SHISA9: variants seen among roughly 807,000 people sequenced by gnomAD.
SHISA9 encodes the protein protein shisa-9.
In SHISA9, 13 loss-of-function variants were observed where a neutral mutation model predicts 38.0. The ratio of observed to expected loss-of-function variants is 0.34; its 90% CI spans 0.22 to 0.54. The LOEUF (loss-of-function observed/expected upper bound fraction) is 0.54. SHISA9 is among the 20% of genes least tolerant of loss of function. The pLI, the probability that SHISA9 is intolerant of heterozygous loss-of-function variation, is 0.91. For missense variants in SHISA9, 538 were observed against 575.8 expected, an observed-to-expected ratio of 0.93 and a Z score of 0.67; for synonymous variants, 275 against 242.0, an observed-to-expected ratio of 1.14 and a Z score of -1.27.
At chr16:13,469,554 T>G in the SHISA9 span, among the ~76,000 whole-genome samples, 1 of 152,196 alleles carries the variant, frequency 6.6e-6, no homozygotes, top group Non-Finnish European at 1.5e-5. Context: ...TCTTCTATCC[T>G]ATAAAATCCA....
intron 4 of SHISA9, among the ~76,000 whole-genome samples, chr16:13,231,282 G>T (rs987008179): frequency 6.6e-6 from 1 of 152,200 alleles, no homozygotes; most frequent in Non-Finnish European, 1.5e-5. Flanking sequence ...AATGTTGCTG[G>T]GTTCAGGCAT....
chr16:13,396,186 A>G, the SHISA9 span, among the ~76,000 whole-genome samples: 9 of 152,318 alleles, frequency 5.9e-5, no homozygotes, highest in Middle Eastern at 3.4e-3. Flanking sequence ...TTCCAAATGG[A>G]TGAGTCTCCT....
chr16:13,457,654 T>G, the SHISA9 span, among the ~76,000 whole-genome samples: 1 of 151,756 alleles, frequency 6.6e-6, no homozygotes, highest in Admixed American at 6.6e-5. Context: ...TAGAGCCATT[T>G]TACCATCCGT....
the SHISA9 span, among the ~76,000 whole-genome samples, chr16:13,392,972 A>T: frequency 6.6e-6 from 1 of 152,232 alleles, no homozygotes; most frequent in Non-Finnish European, 1.5e-5. Context: ...CTTTTAAGCG[A>T]AACAGGTCGT....
chr16:13,374,489 A>G, the SHISA9 span, among the ~76,000 whole-genome samples: 3 of 152,206 alleles, frequency 2.0e-5, no homozygotes, highest in Admixed American at 6.5e-5. Flanking sequence ...TACAAAGGAC[A>G]TGAACTCATC....
intron 2 of SHISA9, among the ~76,000 whole-genome samples, chr16:13,118,846 C>T (rs1342572928): frequency 6.6e-6 from 1 of 151,634 alleles, no homozygotes; most frequent in African/African-American, 2.4e-5. Flanking sequence ...TTTCCTTCCT[C>T]AGCCTCCAGA....
the SHISA9 span, among the ~76,000 whole-genome samples, chr16:13,394,528 AAC>A: frequency 6.6e-6 from 1 of 152,052 alleles, no homozygotes; most frequent in African/African-American, 2.4e-5. Context: ...TTGAGCCAAT[AAC>A]ACATTCTCTT....
At chr16:13,045,845 A>G (rs1406990867) in intron 2 of SHISA9, among the ~76,000 whole-genome samples, 4 of 152,104 alleles carry the variant, frequency 2.6e-5, no homozygotes, top group Admixed American at 6.5e-5. Flanking sequence ...CTCTCCTGAT[A>G]AGCCAGGCCA....
chr16:13,517,837 C>T, the SHISA9 span, among the ~76,000 whole-genome samples: 7 of 152,180 alleles, frequency 4.6e-5, no homozygotes, highest in South Asian at 4.1e-4. Flanking sequence ...CTCAGATAAA[C>T]GAGAGAGCTA....
the SHISA9 span, among the ~76,000 whole-genome samples, chr16:13,468,042 A>G: frequency 2.4e-4 from 37 of 152,224 alleles, no homozygotes; most frequent in African/African-American, 8.4e-4. Context: ...CAGTCTTACC[A>G]TTAGACTGAG....
Position 12,930,755 on chromosome 16 carries a change from C to A in SHISA9, c.691+13940C>A, listed in dbSNP as rs553450508. On this transcript the variant is annotated intron_variant, in intron 2 of 4. Coordinates refer to ENST00000558583, the MANE Select transcript of SHISA9 (RefSeq NM_001145204.3). ...ATATTGATTTTAGTGCATTGCCAAACAGACTATTAAATCTCTAACAGTTAT... is the reference window on the plus strand; with the variant it reads ...ATATTGATTTTAGTGCATTGCCAAAAAGACTATTAAATCTCTAACAGTTAT... Among the ~76,000 whole-genome samples, 13 of 152,226 alleles carry A rather than the reference C, an allele frequency of 8.5e-5. No individual in the cohort carries two copies. The South Asian group carries it at 2.5e-3, about 29-fold the overall frequency.
At chr16:13,419,233 G>A in the SHISA9 span, among the ~76,000 whole-genome samples, 1 of 152,196 alleles carries the variant, frequency 6.6e-6, no homozygotes, top group South Asian at 2.1e-4. Context: ...AGGGAGCCCT[G>A]AATAAATGAC....
At chr16:13,278,529 G>C in the SHISA9 span, among the ~76,000 whole-genome samples, 1 of 152,066 alleles carries the variant, frequency 6.6e-6, no homozygotes, top group Non-Finnish European at 1.5e-5. Context: ...GGATTCTGCT[G>C]TGAATCCATC....
At chr16:13,401,434 C>T in the SHISA9 span, among the ~76,000 whole-genome samples, 1 of 152,186 alleles carries the variant, frequency 6.6e-6, no homozygotes, top group Non-Finnish European at 1.5e-5. Flanking sequence ...TCTAGAAAGA[C>T]CCTGCTATGG....
At chr16:13,349,025 T>G in the SHISA9 span, among the ~76,000 whole-genome samples, 1 of 152,152 alleles carries the variant, frequency 6.6e-6, no homozygotes, top group Non-Finnish European at 1.5e-5. Flanking sequence ...TTCTTTGAAA[T>G]TACCAAGCCA....
chr16:12,925,949 C>T lies in SHISA9; in HGVS notation c.691+9134C>T, dbSNP rs1478540508. Among the ~76,000 whole-genome samples the T allele has an allele frequency of 1.3e-5, 2 of 152,094 alleles. 1 individual carries two copies. Among genetic ancestry groups the T allele is most frequent in the South Asian group, 4.1e-4 (2 of 4,822 alleles). ...CTATGTTGGCCAGGCTGGTCTTGAA[C>T]TCCTGACCTCAGATGATCCACCTGC... On this transcript the variant is annotated intron_variant, in intron 2 of 4. Coordinates refer to ENST00000558583, the MANE Select transcript of SHISA9 (RefSeq NM_001145204.3).
intron 2 of SHISA9, among the ~76,000 whole-genome samples, chr16:13,036,270 C>G (rs923729111): frequency 6.6e-6 from 1 of 152,194 alleles, no homozygotes; most frequent in Non-Finnish European, 1.5e-5. Flanking sequence ...GGATAAACTA[C>G]TTGTGTGATA....
chr16:12,967,519 C>A (rs1317852400), intron 2 of SHISA9, among the ~76,000 whole-genome samples: 2 of 151,876 alleles, frequency 1.3e-5, no homozygotes, highest in African/African-American at 4.8e-5. Context: ...TGTAACAAAC[C>A]TGCACGTTGT....
chr16:13,395,639 T>A, the SHISA9 span, among the ~76,000 whole-genome samples: 1 of 152,284 alleles, frequency 6.6e-6, no homozygotes, highest in Non-Finnish European at 1.5e-5. Flanking sequence ...TTTAATGTTC[T>A]GTCTTTCCTG....
Sources: allele counts gnomAD v4.1 joint callset (sites outside exome capture counted in the v4.1 genomes callset), GRCh38; gene constraint gnomAD v4.1.1; transcripts MANE v1.5; gene names NCBI Gene and HGNC (gene_info 2026-07-23, HGNC 2026-07-21).